The following VPS13C variants were observed in gnomAD, a reference collection of about 807,000 sequenced individuals.
VPS13C encodes the protein vacuolar protein sorting 13 homolog C.
VPS13C carries 358 observed loss-of-function variants against 456.8 expected under a neutral mutation model. That is an observed-to-expected ratio of 0.78 (90% CI 0.72 to 0.86). The LOEUF is 0.86. VPS13C is among the 40% of genes least tolerant of loss of function. VPS13C has a pLI of 0.00. For synonymous variants in VPS13C, 1,578 were observed against 1,486.7 expected (o/e 1.06, Z -1.41); for missense variants, 4,818 against 4,385.4 (o/e 1.10, Z -2.79).
Position 61,927,337 on chromosome 15 carries a change from C to T in VPS13C, c.6287-17G>A, listed in dbSNP as rs868068378. ...CAGAGTCATCTGAAGAAACAAGCAACAGGAACCAGAAAAGTTTAAGGTAAG... is the reference window on the plus strand; with the variant it reads ...CAGAGTCATCTGAAGAAACAAGCAATAGGAACCAGAAAAGTTTAAGGTAAG... On this transcript the variant is annotated splice_polypyrimidine_tract_variant and intron_variant, in intron 51 of 84. Coordinates refer to ENST00000644861, the MANE Select transcript of VPS13C (RefSeq NM_020821.3). 2.5e-6 allele frequency: 4 copies of T among 1,602,916 alleles called. No homozygotes were observed. Among genetic ancestry groups the T allele is most frequent in the East Asian group, 2.2e-5 (1 of 44,786 alleles).
intron 81 of VPS13C, chr15:61,865,615 T>A: frequency 3.9e-6 from 2 of 515,704 alleles, no homozygotes; most frequent in Non-Finnish European, 5.0e-6. Context: ...TGTGTATATA[T>A]GTATGTGTAC....
rs765578677 is a variant in VPS13C, at chr15:61,856,372, G to C, written c.10990C>G (p.Leu3664Val). Reference sequence around the variant, plus strand: ...GGACATTGCCAGTCTACACACATAAGGCCCAGGATTTCAACTTCCTTTATA... The same window carrying C: ...GGACATTGCCAGTCTACACACATAACGCCCAGGATTTCAACTTCCTTTATA... ...LCIKEVEILG[L>V]MCVDWQCPFE... Residue 3664 changes from leucine to valine, a missense_variant, in exon 83 of 85, where the codon CTT (leucine) becomes GTT (valine). Physicochemically the swap from Leu to Val is conservative, Grantham distance 32. Coordinates refer to ENST00000644861, the MANE Select transcript of VPS13C (RefSeq NM_020821.3). 5.6e-6 allele frequency: 9 copies of C among 1,613,160 alleles called. No individual in the cohort carries two copies. The highest frequency in any genetic ancestry group is 1.1e-5 in the South Asian group (1 of 90,972).
chr15:61,933,886 C>CAT (rs921502030), intron 49 of VPS13C, among the ~76,000 whole-genome samples: 7 of 151,680 alleles, frequency 4.6e-5, no homozygotes, highest in Non-Finnish European at 7.4e-5. Context: ...GTTATATATA[C>CAT]ATATATATAT....
At chr15:61,914,052 G>A (rs1470007842) in intron 61 of VPS13C, among the ~76,000 whole-genome samples, 1 of 152,120 alleles carries the variant, frequency 6.6e-6, no homozygotes, top group Non-Finnish European at 1.5e-5. Context: ...ATCAAATTGT[G>A]CCCTTGTATT....
At chr15:62,002,105 C>T (rs540413576) in intron 15 of VPS13C, among the ~76,000 whole-genome samples, 63 of 152,288 alleles carry the variant, frequency 4.1e-4, no homozygotes, top group African/African-American at 1.4e-3. Context: ...CTGACTTCCA[C>T]AATGGTTGAA....
chr15:61,915,429 A>G (rs1312286397), intron 61 of VPS13C, among the ~76,000 whole-genome samples: 2 of 152,100 alleles, frequency 1.3e-5, no homozygotes, highest in African/African-American at 4.8e-5. Context: ...CTCTATAGGC[A>G]TTGGAGAAAA....
intron 2 of VPS13C, among the ~76,000 whole-genome samples, chr15:62,043,408 C>T (rs775367751): frequency 4.6e-5 from 7 of 152,174 alleles, no homozygotes; most frequent in African/African-American, 7.2e-5. Context: ...GAGTTGCAGA[C>T]CAGCCTGGCC....
Position 62,041,123 on chromosome 15 carries a change from T to C in VPS13C, c.187+201A>G, listed in dbSNP as rs72749761. On this transcript the variant is annotated intron_variant, in intron 3 of 84. Transcript: ENST00000644861. Reference sequence around the variant, plus strand: ...TTGCAGTTCAAATAGCCTTCCATTTTCTACCTTTTGTCATAAAAAAAAGAA... The same window carrying C: ...TTGCAGTTCAAATAGCCTTCCATTTCCTACCTTTTGTCATAAAAAAAAGAA... Among the ~76,000 whole-genome samples the C allele has an allele frequency of 7.3e-3, 1,110 of 152,318 alleles. 10 individuals carry two copies. Among genetic ancestry groups the C allele is most frequent in the Non-Finnish European group, 0.012 (819 of 68,022 alleles).
Position 61,874,851 on chromosome 15 carries a change from A to G in VPS13C, c.10414+25T>C, listed in dbSNP as rs200325655. On this transcript the variant is annotated intron_variant, in intron 77 of 84. Transcript: ENST00000644861. The stretch of plus-strand genomic sequence containing the variant: ...TAACAATATAATAAAAAATATACAC[A>G]TATACACAAATATGTGATACATACC... 5.3e-3 allele frequency: 8,221 copies of G among 1,548,110 alleles called. 52 individuals are homozygous for G. The highest frequency in any genetic ancestry group is 0.02 in the South Asian group (1,629 of 81,206).
intron 58 of VPS13C, among the ~76,000 whole-genome samples, 179 bp downstream of exon 58, chr15:61,919,110 A>C (rs180755573): frequency 7.2e-4 from 109 of 152,274 alleles, no homozygotes; most frequent in African/African-American, 2.4e-3. Flanking sequence ...ATATTATCAG[A>C]GCAAGCTGGA....
At chr15:61,995,738 T>C (rs2046362101) in intron 16 of VPS13C, among the ~76,000 whole-genome samples, 1 of 152,218 alleles carries the variant, frequency 6.6e-6, no homozygotes, top group East Asian at 1.9e-4. Context: ...GGATCCTCCA[T>C]CAGTCACGTT....
At chr15:62,008,800 A>G (rs2046942534) in intron 13 of VPS13C, 39 bp from the exon 14 acceptor site, 1 of 1,206,878 alleles carries the variant, frequency 8.3e-7, no homozygotes, top group Non-Finnish European at 1.1e-6. Context: ...ATTACACTGT[A>G]TATATAAAAA....
intron 45 of VPS13C, among the ~76,000 whole-genome samples, chr15:61,944,355 T>A (rs545696932): frequency 6.6e-6 from 1 of 152,066 alleles, no homozygotes; most frequent in Admixed American, 6.6e-5. Flanking sequence ...AGAGCACAAT[T>A]CACAACAGCA....
At position 61,917,502 on chromosome 15, in the gene VPS13C, C is replaced by A; in HGVS notation, c.7894G>T (p.Val2632Phe). 6.2e-7 allele frequency: 1 copy of A among 1,614,020 alleles called. No homozygotes were observed. Among genetic ancestry groups the A allele is most frequent in the Non-Finnish European group, 8.5e-7 (1 of 1,179,918 alleles). The change falls in exon 60 of 85, where the codon GTC becomes TTC. Residue 2632 changes from valine to phenylalanine, a missense_variant. Val to Phe is a conservative substitution (Grantham distance 50). Around this residue, in one of 3 missense-constraint regions of VPS13C, gnomAD observed 4,552 missense variants for 4,130.6 expected, o/e 1.10. Coordinates refer to ENST00000644861, the MANE Select transcript of VPS13C (RefSeq NM_020821.3). ...TTCACTATGAGAGGTAAGAAGCTGA[C>A]TTCTACTGATGGACACTGCAACATG... ...RCMLQCPSVE[V>F]SFLPLIVNTV...
At chr15:61,913,637 T>C (rs1360621790) in intron 61 of VPS13C, among the ~76,000 whole-genome samples, 2 of 152,286 alleles carry the variant, frequency 1.3e-5, no homozygotes, top group East Asian at 1.9e-4. Context: ...GTTCTGACTT[T>C]CTCATTCACC....
At chr15:62,007,172 T>C in intron 15 of VPS13C, 136 bp downstream of exon 15, 1 of 805,020 alleles carries the variant, frequency 1.2e-6, no homozygotes, top group Non-Finnish European at 1.7e-6. Flanking sequence ...ATTCTGCATT[T>C]TCCCACATAA....
intron 81 of VPS13C, chr15:61,864,297 AAG>A (rs1894390575): frequency 1.2e-6 from 1 of 837,746 alleles, no homozygotes; most frequent in Non-Finnish European, 1.4e-6. Context: ...AAAATAATTC[AAG>A]TATAAGTAGT....
chr15:62,010,038 A>T (rs185931276), intron 13 of VPS13C, among the ~76,000 whole-genome samples: 1 of 152,116 alleles, frequency 6.6e-6, no homozygotes, highest in Non-Finnish European at 1.5e-5. Context: ...AAATACAAAA[A>T]AAATAGCCAG....
chr15:61,982,696 T>C lies in VPS13C; in HGVS notation c.1915-123A>G, dbSNP rs1357515721. The C allele has an allele frequency of 4.8e-6, 3 of 630,450 alleles. No individual in the cohort carries two copies. In the African/African-American group the frequency reaches 5.5e-5, roughly 12 times the overall value. 39.1% of individuals were successfully genotyped at this position (630,450 alleles called of 1,614,324 possible). A position where few individuals can be genotyped will look rare whatever the true frequency, so the allele number is the denominator to read the frequency against. ...GAACTGTGGAACTCCTAAGATATTC[T>C]GTCCTACTACATCTCCCTTTGGAGT... is the stretch of plus-strand genomic sequence containing the variant. On this transcript the variant is annotated intron_variant, in intron 20 of 84. Transcript: ENST00000644861.
Sources: allele counts gnomAD v4.1 joint callset (sites outside exome capture counted in the v4.1 genomes callset), GRCh38; gene constraint gnomAD v4.1.1; regional missense constraint gnomAD v4.1.1; transcripts MANE v1.5; gene names NCBI Gene and HGNC (gene_info 2026-07-23, HGNC 2026-07-21).